The following EPG5 variants were observed in gnomAD, a reference collection of about 807,000 sequenced individuals.
The protein encoded by EPG5 is ectopic P-granules 5 autophagy tethering factor, also known as ectopic P granules protein 5 homolog.
A neutral mutation model predicts 302.7 loss-of-function variants in EPG5; 159 were observed. The observed-to-expected ratio is 0.53, with a 90% CI of 0.46 to 0.60. EPG5 has a LOEUF of 0.60. EPG5 is among the 20% of genes least tolerant of loss of function. The pLI is 0.00. For missense variants in EPG5, 2,896 were observed against 3,092.4 expected (o/e 0.94, Z 1.51); for synonymous variants, 1,158 against 1,136.8 (o/e 1.02, Z -0.37).
At chr18:45,859,051 G>T (rs1016476005) in intron 40 of EPG5, among the ~76,000 whole-genome samples, 4 of 152,266 alleles carry the variant, frequency 2.6e-5, no homozygotes, top group Admixed American at 2.6e-4. Context: ...TCAGAATTCA[G>T]GGCTGCATAC....
chr18:45,845,565 G>C (rs984527352), downstream of EPG5, among the ~76,000 whole-genome samples: 8 of 152,210 alleles, frequency 5.3e-5, no homozygotes, highest in Non-Finnish European at 1.0e-4. Flanking sequence ...GAGTACTCAG[G>C]CTCTGTCACT....
chr18:45,870,851 C>T, intron 35 of EPG5, 109 bp from the exon 36 acceptor site: 1 of 911,662 alleles, frequency 1.1e-6, no homozygotes, highest in South Asian at 2.2e-5. Flanking sequence ...TCATGATTGA[C>T]CCAATTTCAA....
downstream of EPG5, among the ~76,000 whole-genome samples, chr18:45,845,526 C>G (rs77545930): frequency 1.9e-3 from 293 of 152,288 alleles, no homozygotes; most frequent in African/African-American, 6.6e-3. Context: ...TGGAGCAGAG[C>G]TGCCTGTCTT....
Position 45,867,703 on chromosome 18 carries a change from C to T in EPG5, c.6271G>A (p.Val2091Ile), listed in dbSNP as rs747472504. Residue 2091 changes from valine to isoleucine, a missense_variant, in exon 37 of 44, where the codon GTA becomes ATA. By Grantham distance (29) the Val-to-Ile change is conservative (BLOSUM62 3). Transcript: ENST00000282041. ...CTAACCCAGTTGACTTCACAGAGTA[C>T]AGACCCCAAAAATAAGAAACAGCTC... ...PKSCFLFLGS[V>I]LCEVNWVSVL... 6.2e-7 allele frequency: 1 copy of T among 1,610,916 alleles called. No individual in the cohort carries two copies. Among genetic ancestry groups the T allele is most frequent in the Non-Finnish European group, 8.5e-7 (1 of 1,178,996 alleles).
chr18:45,829,564 G>A, the EPG5 span, among the ~76,000 whole-genome samples: 2,871 of 152,246 alleles, frequency 0.019, 98 homozygotes, highest in African/African-American at 0.066. Context: ...GTCTCTCCTT[G>A]CCCTCAAAAT....
chr18:45,949,276 T>C, intron 5 of EPG5, among the ~76,000 whole-genome samples: 1 of 152,210 alleles, frequency 6.6e-6, no homozygotes, highest in East Asian at 1.9e-4. Context: ...CAAGCAGACT[T>C]AGTACAGTCT....
At chr18:45,824,724 G>T in the EPG5 span, among the ~76,000 whole-genome samples, 1 of 152,116 alleles carries the variant, frequency 6.6e-6, no homozygotes, top group Non-Finnish European at 1.5e-5. Context: ...TGTCAAGGGG[G>T]ACTTGCACAT....
At chr18:45,965,214 C>T (rs1353064474) in intron 1 of EPG5, among the ~76,000 whole-genome samples, 1 of 148,878 alleles carries the variant, frequency 6.7e-6, no homozygotes, top group Non-Finnish European at 1.5e-5. Flanking sequence ...AAATCAAATA[C>T]CACGTTCTCA....
At chr18:45,937,291 CACAT>C (rs1433543099) in intron 10 of EPG5, among the ~76,000 whole-genome samples, 10 of 149,654 alleles carry the variant, frequency 6.7e-5, no homozygotes, top group Non-Finnish European at 7.4e-5. Flanking sequence ...TGTATACACA[CACAT>C]ACACGTATAT....
intron 25 of EPG5, among the ~76,000 whole-genome samples, chr18:45,901,576 TAGCCGAGTCAA>T (rs1278860456): frequency 6.6e-6 from 1 of 152,278 alleles, no homozygotes; most frequent in South Asian, 2.1e-4. Context: ...TTATGGAATA[TAGCCGAGTCAA>T]AAATCTGAAA....
intron 1 of EPG5, among the ~76,000 whole-genome samples, chr18:45,965,275 T>A (rs1341393120): frequency 6.6e-6 from 1 of 151,886 alleles, no homozygotes; most frequent in South Asian, 2.1e-4. Flanking sequence ...AAGAAGGGAA[T>A]AATAGACACC....
chr18:45,964,454 C>A (rs1357477675), intron 1 of EPG5, among the ~76,000 whole-genome samples: 1 of 152,160 alleles, frequency 6.6e-6, no homozygotes, highest in Admixed American at 6.5e-5. Context: ...AGATTCTGCT[C>A]TCATAGACAA....
intron 13 of EPG5, among the ~76,000 whole-genome samples, chr18:45,927,177 T>G (rs2050290649): frequency 6.6e-6 from 1 of 151,732 alleles, no homozygotes; most frequent in Non-Finnish European, 1.5e-5. Context: ...GGACTACAGG[T>G]GCCCGCCACC....
chr18:45,954,789 GT>G lies in EPG5; in HGVS notation c.612del (p.Lys204AsnfsTer9). ...NVGLQSSCPA[K>X]HGFQTPRVKK... ...TTCACTCTAGGTGTCTGAAAACCAT[GT>G]TTGGCTGGGCAAGAACTCTGCAAGC... On this transcript the variant is annotated frameshift_variant, in exon 2 of 44. Transcript: ENST00000282041. LOFTEE classifies it high-confidence loss of function. 2 of 1,613,960 alleles carry G rather than the reference GT, an allele frequency of 1.2e-6. No homozygotes were observed. Among genetic ancestry groups the G allele is most frequent in the Non-Finnish European group, 1.7e-6 (2 of 1,179,964 alleles).
chr18:45,919,685 TG>T (rs2050112097), intron 16 of EPG5, among the ~76,000 whole-genome samples: 1 of 152,028 alleles, frequency 6.6e-6, no homozygotes, highest in Admixed American at 6.5e-5. Flanking sequence ...GCTAATTTTT[TG>T]TATTTTTAGT....
intron 40 of EPG5, among the ~76,000 whole-genome samples, chr18:45,859,377 T>C (rs970751665): frequency 6.6e-6 from 1 of 152,080 alleles, no homozygotes; most frequent in African/African-American, 2.4e-5. Flanking sequence ...CCTCCATGGG[T>C]GGGCATGTGC....
chr18:45,956,476 A>G (rs1322215721), intron 1 of EPG5, among the ~76,000 whole-genome samples: 1 of 141,224 alleles, frequency 7.1e-6, no homozygotes, highest in East Asian at 2.0e-4. Context: ...TTTTTTTTTG[A>G]GACGGAATCT....
At chr18:45,825,355 A>T in the EPG5 span, among the ~76,000 whole-genome samples, 1 of 151,680 alleles carries the variant, frequency 6.6e-6, no homozygotes, top group Admixed American at 6.6e-5. Context: ...GAAGTGAGGG[A>T]GGGAGGAAGG....
At chr18:45,953,496 C>T (rs2050956579) in intron 2 of EPG5, 2 of 985,248 alleles carry the variant, frequency 2.0e-6, no homozygotes, top group Admixed American at 1.2e-4. Context: ...AGGGGAATGA[C>T]ATGTTTCTCC....
Sources: allele counts gnomAD v4.1 joint callset (sites outside exome capture counted in the v4.1 genomes callset), GRCh38; gene constraint gnomAD v4.1.1; transcripts MANE v1.5; gene names NCBI Gene and HGNC (gene_info 2026-07-23, HGNC 2026-07-21).